ERBIN: variants seen among roughly 807,000 people sequenced by gnomAD.
ERBIN encodes the protein densin-180-like protein.
A neutral mutation model predicts 158.4 loss-of-function variants in ERBIN; 60 were observed. The ratio of observed to expected loss-of-function variants is 0.38; its 90% CI spans 0.31 to 0.47. ERBIN has a LOEUF of 0.47. ERBIN is among the 20% of genes least tolerant of loss of function. The probability of loss-of-function intolerance (pLI) is 0.99; values close to 1 mark genes in which losing one functional copy is unlikely to be tolerated. For synonymous variants in ERBIN, 594 were observed against 557.2 expected, an observed-to-expected ratio of 1.07 and a Z score of -0.93; for missense variants, 1,610 against 1,648.0, an observed-to-expected ratio of 0.98 and a Z score of 0.40.
chr5:65,927,382 G>A (rs748561080), intron 1 of ERBIN, among the ~76,000 whole-genome samples: 8 of 152,034 alleles, frequency 5.3e-5, no homozygotes, highest in Non-Finnish European at 1.0e-4. Context: ...GTTTTTCAGG[G>A]TGAGTAATAT....
intron 15 of ERBIN, among the ~76,000 whole-genome samples, chr5:66,040,870 A>G (rs1322590295): frequency 1.3e-5 from 2 of 151,570 alleles, no homozygotes; most frequent in East Asian, 3.9e-4. Flanking sequence ...AAAAAAAGAA[A>G]GATTCTAAAG....
Position 66,082,339 on chromosome 5 carries a change from CCTT to C in ERBIN, c.*3812_*3814del. Reference sequence around the variant, plus strand: ...TAGGAGAGAGGCTGACAAAAAGAATCCTTCTGTTACAACTTTCTTTTCTAATGT... The same window carrying C: ...TAGGAGAGAGGCTGACAAAAAGAATCCTGTTACAACTTTCTTTTCTAATGT... On this transcript the variant is annotated 3_prime_UTR_variant, in exon 26 of 26. Coordinates refer to ENST00000284037, the MANE Select transcript of ERBIN (RefSeq NM_001253697.2). 1 of 152,178 alleles carries C rather than the reference CCTT, an allele frequency of 6.6e-6. No individual in the cohort carries two copies. The highest frequency in any genetic ancestry group is 1.9e-4 in the East Asian group (1 of 5,196). 9.4% of individuals were successfully genotyped at this position (152,178 alleles called of 1,614,324 possible).
chr5:66,064,553 C>T (rs1435148532), intron 21 of ERBIN, among the ~76,000 whole-genome samples: 1 of 152,054 alleles, frequency 6.6e-6, no homozygotes, highest in Non-Finnish European at 1.5e-5. Context: ...ACTTTAAAAG[C>T]CTATCAGAAG....
chr5:66,025,838 T>A lies in ERBIN; in HGVS notation c.891-10T>A, dbSNP rs956343021. ...AACAAATAATATATATTTCTTTTTTTAAATTAAAGGTTAATATCAGTAGAA... is the reference window on the plus strand; with the variant it reads ...AACAAATAATATATATTTCTTTTTTAAAATTAAAGGTTAATATCAGTAGAA... On this transcript the variant is annotated splice_polypyrimidine_tract_variant and intron_variant, in intron 11 of 25. Coordinates refer to ENST00000284037, the MANE Select transcript of ERBIN (RefSeq NM_001253697.2). 5 of 1,397,452 alleles carry A rather than the reference T, an allele frequency of 3.6e-6. No individual in the cohort carries two copies. The highest frequency in any genetic ancestry group is 1.5e-5 in the African/African-American group (1 of 67,150). The allele number at this position is 1,397,452 out of a possible 1,614,324, so 86.6% of individuals were successfully genotyped here. A position where few individuals can be genotyped will look rare whatever the true frequency, so the allele number is the denominator to read the frequency against.
At chr5:66,077,899 A>G (rs572248070) in intron 25 of ERBIN, among the ~76,000 whole-genome samples, 38 of 152,194 alleles carry the variant, frequency 2.5e-4, no homozygotes, top group African/African-American at 8.9e-4. Context: ...TTGCCTCTCC[A>G]TGCCTGGGCT....
rs768318228 is a variant in ERBIN, at chr5:66,043,045, A to G, written c.1307-32A>G. ...TAGTTTTCCATAATTACAGTAAAAT[A>G]TAGTAGGTTTTTGTTTTTTACTTTT... On this transcript the variant is annotated intron_variant, in intron 15 of 25. Coordinates refer to ENST00000284037, the MANE Select transcript of ERBIN (RefSeq NM_001253697.2). The G allele has an allele frequency of 6.1e-6, 9 of 1,482,874 alleles. 1 individual carries two copies. In the South Asian group the frequency reaches 7.1e-5, roughly 12 times the overall value. The allele number at this position is 1,482,874 out of a possible 1,614,324, so 91.9% of individuals were successfully genotyped here. A position where few individuals can be genotyped will look rare whatever the true frequency, so the allele number is the denominator to read the frequency against.
At chr5:65,994,654 C>T (rs1752223829) in intron 3 of ERBIN, 93 bp from the exon 4 acceptor site, 2 of 669,694 alleles carry the variant, frequency 3.0e-6, no homozygotes, top group South Asian at 4.0e-5. Context: ...GGTTATAACT[C>T]ATTCAGTTTT....
At chr5:66,000,818 A>AG (rs1351381094) in intron 4 of ERBIN, among the ~76,000 whole-genome samples, 1 of 152,176 alleles carries the variant, frequency 6.6e-6, no homozygotes, top group Non-Finnish European at 1.5e-5. Context: ...GCTAGCTGAA[A>AG]GGAGACAAGA....
At chr5:65,938,369 GTCTT>G (rs1744346358) in intron 1 of ERBIN, among the ~76,000 whole-genome samples, 1 of 117,060 alleles carries the variant, frequency 8.5e-6, no homozygotes. Context: ...GCAGGCATAG[GTCTT>G]TTTTTTTTTT....
chr5:66,069,591 T>A (rs1466261257), intron 21 of ERBIN, among the ~76,000 whole-genome samples: 1 of 152,208 alleles, frequency 6.6e-6, no homozygotes, highest in African/African-American at 2.4e-5. Context: ...GGTTTATGAT[T>A]TTAACCAAAA....
chr5:66,063,868 A>G (rs1326578265), intron 21 of ERBIN, among the ~76,000 whole-genome samples: 1 of 152,248 alleles, frequency 6.6e-6, no homozygotes, highest in African/African-American at 2.4e-5. Flanking sequence ...ATTTATATAC[A>G]CACTTATATA....
At chr5:66,050,655 A>G (rs1758927065) in intron 19 of ERBIN, 128 bp from the exon 20 acceptor site, 2 of 497,930 alleles carry the variant, frequency 4.0e-6, no homozygotes, top group Non-Finnish European at 6.9e-6. Context: ...GGTGCTTCCA[A>G]TTATCAATAT....
intron 15 of ERBIN, 131 bp downstream of exon 15, chr5:66,038,613 C>A: frequency 1.7e-6 from 1 of 590,296 alleles, no homozygotes; most frequent in Non-Finnish European, 2.9e-6. Flanking sequence ...CAGTTTGTTT[C>A]GAAATAATGG....
At chr5:65,945,326 A>G (rs1178055738) in intron 1 of ERBIN, among the ~76,000 whole-genome samples, 4 of 152,194 alleles carry the variant, frequency 2.6e-5, no homozygotes, top group Non-Finnish European at 5.9e-5. Flanking sequence ...ATTGATTTAT[A>G]TATCTCTTTA....
chr5:66,065,702 C>A (rs1271443539), intron 21 of ERBIN, among the ~76,000 whole-genome samples: 3 of 148,082 alleles, frequency 2.0e-5, no homozygotes, highest in African/African-American at 7.4e-5. Context: ...TTTGTTATCC[C>A]ATTTTCCAGT....
intron 1 of ERBIN, among the ~76,000 whole-genome samples, chr5:65,967,338 CACTG>C (rs1232905826): frequency 6.6e-6 from 1 of 152,118 alleles, no homozygotes; most frequent in Non-Finnish European, 1.5e-5. Context: ...ACTACTCACT[CACTG>C]ACCCACAGCA....
At chr5:66,028,701 T>C (rs899081465) in intron 14 of ERBIN, among the ~76,000 whole-genome samples, 7 of 152,156 alleles carry the variant, frequency 4.6e-5, no homozygotes, top group Non-Finnish European at 1.0e-4. Context: ...ATAACAGTGT[T>C]ATTAACTGTA....
chr5:65,936,257 C>A (rs1265202637), intron 1 of ERBIN, among the ~76,000 whole-genome samples: 1 of 152,060 alleles, frequency 6.6e-6, no homozygotes, highest in East Asian at 1.9e-4. Flanking sequence ...ATCACACAAC[C>A]TAGAATAAGT....
chr5:65,933,579 C>T (rs1038291361), intron 1 of ERBIN, among the ~76,000 whole-genome samples: 3 of 152,180 alleles, frequency 2.0e-5, no homozygotes, highest in African/African-American at 7.2e-5. Context: ...GCTGACCGCT[C>T]AGGATATGCT....
Sources: allele counts gnomAD v4.1 joint callset (sites outside exome capture counted in the v4.1 genomes callset), GRCh38; gene constraint gnomAD v4.1.1; transcripts MANE v1.5; gene names NCBI Gene and HGNC (gene_info 2026-07-23, HGNC 2026-07-21).